The following TNRC6C variants were observed in gnomAD, a reference collection of about 807,000 sequenced individuals.
TNRC6C encodes trinucleotide repeat containing adaptor 6C.
Under a neutral mutation model 153.7 loss-of-function variants are expected in TNRC6C, and 20 were observed. That is an observed-to-expected ratio of 0.13 (90% CI 0.09 to 0.19). The LOEUF is 0.19. Ranked by LOEUF, TNRC6C falls within the 10% of genes least tolerant of loss-of-function variation. The probability of loss-of-function intolerance (pLI) is 1.00; values close to 1 mark genes in which losing one functional copy is unlikely to be tolerated. For synonymous variants in TNRC6C, 811 were observed against 841.4 expected (o/e 0.96, Z 0.63); for missense variants, 1,987 against 2,172.0 (o/e 0.91, Z 1.69).
intron 1 of TNRC6C, chr17:78,011,898 T>C (rs1323600413): frequency 6.6e-6 from 1 of 152,276 alleles, no homozygotes; most frequent in Non-Finnish European, 1.5e-5. Flanking sequence ...ATTAACCTAA[T>C]GACTAATGTG....
At chr17:78,057,247 T>G (rs1352425170) in intron 3 of TNRC6C, among the ~76,000 whole-genome samples, 1 of 152,240 alleles carries the variant, frequency 6.6e-6, no homozygotes, top group Non-Finnish European at 1.5e-5. Context: ...ACACTGAGTA[T>G]TATTCCTGCC....
Position 77,976,931 on chromosome 17 carries a change from GAAAAAAAAAAA to G in TNRC6C, c.-38+17682_-38+17692del, listed in dbSNP as rs57726847. ...GCGACAAGAGCAAGACTCCATCTCAGAAAAAAAAAAAAAAAAAAAAAAAAAAAAACTTGGTT... is the reference window on the plus strand; with the variant it reads ...GCGACAAGAGCAAGACTCCATCTCAGAAAAAAAAAAAAAAAAAACTTGGTT... On this transcript the variant is annotated intron_variant, in intron 1 of 22. Transcript: ENST00000636222. 7.9e-3 allele frequency among the ~76,000 whole-genome samples: 366 copies of G among 46,596 alleles called. 2 individuals carry two copies. The highest frequency in any genetic ancestry group is 0.031 in the African/African-American group (328 of 10,718). The allele number at this position is 46,596 out of a possible 152,430, so 30.6% of individuals were successfully genotyped here.
chr17:77,994,456 A>T (rs1055858560), intron 1 of TNRC6C, among the ~76,000 whole-genome samples: 3 of 152,214 alleles, frequency 2.0e-5, no homozygotes, highest in African/African-American at 7.2e-5. Flanking sequence ...AACATAAGTT[A>T]GTTTAATGGC....
chr17:77,958,467 T>C (rs867428527), upstream of TNRC6C, among the ~76,000 whole-genome samples: 6 of 148,696 alleles, frequency 4.0e-5, no homozygotes, highest in Non-Finnish European at 9.0e-5. Flanking sequence ...CGCGGGCGGG[T>C]ATTAAGGGGA....
intron 4 of TNRC6C, among the ~76,000 whole-genome samples, chr17:78,065,358 G>GA (rs1228780510): frequency 0.015 from 2,042 of 139,752 alleles, 44 homozygotes; most frequent in African/African-American, 0.048. Flanking sequence ...CTTTAAAAAG[G>GA]AAAAAAAAAA....
Position 78,078,986 on chromosome 17 carries a change from G to A in TNRC6C, c.3211-409G>A, listed in dbSNP as rs186462647. Among the ~76,000 whole-genome samples the A allele has an allele frequency of 1.5e-3, 232 of 152,140 alleles. 1 individual carries two copies. Among genetic ancestry groups the A allele is most frequent in the African/African-American group, 4.3e-3 (178 of 41,492 alleles). On this transcript the variant is annotated intron_variant, in intron 9 of 19. Coordinates refer to ENST00000301624, the Ensembl canonical transcript of TNRC6C. ...CAGGCGACGGTAATCCCAGCTCCTC[G>A]GGAGACTGAGACAGAGAATTGCTTG...
chr17:78,031,375 CTAGACTT>C (rs2072070607), intron 1 of TNRC6C, 134 bp from the exon 4 acceptor site: 3 of 581,130 alleles, frequency 5.2e-6, no homozygotes, highest in South Asian at 9.4e-5. Flanking sequence ...ACTTGGAACT[CTAGACTT>C]TAGTCCAGTT....
At chr17:78,061,723 T>A (rs2072773107) in intron 3 of TNRC6C, among the ~76,000 whole-genome samples, 1 of 152,242 alleles carries the variant, frequency 6.6e-6, no homozygotes, top group South Asian at 2.1e-4. Flanking sequence ...TTTGGTTTTT[T>A]AATTTTTTTG....
intron 1 of TNRC6C, among the ~76,000 whole-genome samples, chr17:77,991,680 T>C (rs191685133): frequency 2.6e-5 from 4 of 152,310 alleles, no homozygotes; most frequent in Admixed American, 2.0e-4. Context: ...CTCTTTATTA[T>C]AGCAGCTTCG....
At chr17:78,091,573 C>A (rs780733669) in exon 14 of TNRC6C, 4 of 1,583,620 alleles carry the variant, frequency 2.5e-6, no homozygotes, top group African/African-American at 1.4e-5. Context: ...TGCCCAGTGC[C>A]GCTTCCCCCC....
intron 5 of TNRC6C, among the ~76,000 whole-genome samples, chr17:78,068,641 A>T (rs2072928895): frequency 6.6e-6 from 1 of 152,164 alleles, no homozygotes; most frequent in Admixed American, 6.5e-5. Context: ...TAAAAATACA[A>T]AAACTAGCTG....
At chr17:78,073,214 A>G in intron 7 of TNRC6C, 120 bp downstream of exon 9, 1 of 751,366 alleles carries the variant, frequency 1.3e-6, no homozygotes, top group Admixed American at 3.1e-5. Context: ...GGACCAGGCC[A>G]CAGTGAAGGG....
At chr17:78,091,680 G>A (rs1167260106) in intron 14 of TNRC6C, 73 bp downstream of exon 16, 3 of 1,305,786 alleles carry the variant, frequency 2.3e-6, no homozygotes, top group Non-Finnish European at 2.9e-6. Flanking sequence ...TGTATAGCAT[G>A]GCCATTCTAT....
chr17:78,046,982 A>G (rs2072424490), intron 2 of TNRC6C, among the ~76,000 whole-genome samples: 1 of 152,048 alleles, frequency 6.6e-6, no homozygotes, highest in African/African-American at 2.4e-5. Flanking sequence ...AATACTGTGT[A>G]TTCGAATGGC....
At chr17:78,051,333 G>C (rs750879544) in exon 3 of TNRC6C, 3 of 1,551,278 alleles carry the variant, frequency 1.9e-6, no homozygotes, top group African/African-American at 1.4e-5. Flanking sequence ...GCAGTACCAC[G>C]ACCAATACCA....
At chr17:78,060,907 C>T (rs2072755910) in intron 3 of TNRC6C, among the ~76,000 whole-genome samples, 2 of 152,200 alleles carry the variant, frequency 1.3e-5, no homozygotes, top group African/African-American at 2.4e-5. Flanking sequence ...ATGTGCTTAA[C>T]AATGTTCAGT....
At chr17:78,103,443 T>C in exon 19 of TNRC6C, 2 of 1,614,012 alleles carry the variant, frequency 1.2e-6, no homozygotes, top group Non-Finnish European at 1.7e-6. Flanking sequence ...GGACATTGTG[T>C]TTGCAACATG....
chr17:77,958,219 C>G (rs185243366), upstream of TNRC6C, among the ~76,000 whole-genome samples: 1 of 151,986 alleles, frequency 6.6e-6, no homozygotes, highest in Admixed American at 6.5e-5. Flanking sequence ...GGGGCGCTGG[C>G]CCGGAGAACC....
Position 78,104,873 on chromosome 17 carries a change from C to T in TNRC6C, c.*28C>T, listed in dbSNP as rs1470363681. On this transcript the variant is annotated 3_prime_UTR_variant, in exon 20 of 20. Transcript: ENST00000301624. This position sits in a 1 kb window ranked among gnomAD's most constrained non-coding sequence, Gnocchi z 6.2. The stretch of plus-strand genomic sequence containing the variant: ...TCTGCCATCATCAGCACCAGGAGAG[C>T]CGACCCCTCCCGGGACCCCTCCCGG... The T allele has an allele frequency of 7.2e-7, 1 of 1,390,262 alleles. No homozygotes were observed. Among genetic ancestry groups the T allele is most frequent in the Admixed American group, 3.3e-5 (1 of 30,296 alleles). 86.1% of individuals were successfully genotyped at this position (1,390,262 alleles called of 1,614,324 possible).
Sources: allele counts gnomAD v4.1 joint callset (sites outside exome capture counted in the v4.1 genomes callset), GRCh38; gene constraint gnomAD v4.1.1; non-coding constraint Gnocchi (gnomAD v3.1); transcripts MANE v1.5; gene names NCBI Gene and HGNC (gene_info 2026-07-23, HGNC 2026-07-21).